Variants in LCA5 observed in about 807,000 individuals in gnomAD.
The protein encoded by LCA5 is lebercilin LCA5.
Under a neutral mutation model 53.0 loss-of-function variants are expected in LCA5, and 37 were observed. That is an observed-to-expected ratio of 0.70 (90% CI 0.54 to 0.92). LCA5 has a LOEUF of 0.92. Among genes scored for constraint, LCA5 ranks in the 40% least tolerant of loss-of-function variants. The probability of loss-of-function intolerance (pLI) is 0.00; values close to 1 mark genes in which losing one functional copy is unlikely to be tolerated. For missense variants in LCA5, 806 were observed against 790.5 expected (o/e 1.02, Z -0.23); for synonymous variants, 303 against 282.9 (o/e 1.07, Z -0.71).
chr6:79,524,563 A>T (rs1205849941), intron 1 of LCA5, among the ~76,000 whole-genome samples: 1 of 152,168 alleles, frequency 6.6e-6, no homozygotes, highest in Non-Finnish European at 1.5e-5. Context: ...CACATGTTAC[A>T]GTCACTCTTT....
chr6:79,505,214 T>C (rs13213491), intron 3 of LCA5, among the ~76,000 whole-genome samples: 15,216 of 152,230 alleles, frequency 0.1, 1,011 homozygotes, highest in Non-Finnish European at 0.15. Context: ...CTGCAAAGCT[T>C]ATTTTCTGAA....
intron 2 of LCA5, among the ~76,000 whole-genome samples, chr6:79,516,164 C>T (rs571022985): frequency 1.6e-3 from 243 of 151,420 alleles, no homozygotes; most frequent in African/African-American, 5.2e-3. Flanking sequence ...TATAAAATTA[C>T]ATATGTGGCT....
chr6:79,508,357 TCTGTCA>T (rs761693702), intron 3 of LCA5, among the ~76,000 whole-genome samples: 26 of 152,182 alleles, frequency 1.7e-4, no homozygotes, highest in Non-Finnish European at 2.9e-5. Context: ...TTCTGTGCAT[TCTGTCA>T]CTTCCATCAA....
intron 3 of LCA5, among the ~76,000 whole-genome samples, chr6:79,501,291 C>T (rs1770132015): frequency 6.6e-6 from 1 of 152,052 alleles, no homozygotes; most frequent in Non-Finnish European, 1.5e-5. Flanking sequence ...CTGTCAAGAA[C>T]ATATCCATCC....
intron 3 of LCA5, among the ~76,000 whole-genome samples, chr6:79,493,976 A>C (rs1052216599): frequency 2.0e-5 from 3 of 152,172 alleles, no homozygotes; most frequent in Non-Finnish European, 2.9e-5. Context: ...TTTGTAAATA[A>C]ATTCTTAAGG....
chr6:79,533,477 A>G (rs1767014249), intron 1 of LCA5, among the ~76,000 whole-genome samples: 1 of 152,084 alleles, frequency 6.6e-6, no homozygotes, highest in Admixed American at 6.6e-5. Flanking sequence ...CAATTCCTAA[A>G]GAACTGTTTA....
At chr6:79,512,835 CAATA>C (rs1401892249) in intron 3 of LCA5, among the ~76,000 whole-genome samples, 15 of 152,206 alleles carry the variant, frequency 9.9e-5, no homozygotes, top group Non-Finnish European at 2.1e-4. Flanking sequence ...AATTAATCTT[CAATA>C]AATAATGTGC....
At chr6:79,506,549 C>G (rs952548599) in intron 3 of LCA5, among the ~76,000 whole-genome samples, 9 of 152,102 alleles carry the variant, frequency 5.9e-5, no homozygotes, top group African/African-American at 1.9e-4. Flanking sequence ...TTTACTTTCA[C>G]CCCCTATTTG....
chr6:79,536,997 G>C (rs889666642), intron 1 of LCA5, 168 bp downstream of exon 1: 1 of 152,380 alleles, frequency 6.6e-6, no homozygotes, highest in East Asian at 1.9e-4. Context: ...TTCTCCTCGC[G>C]GTCCCTACAT....
At position 79,487,648 on chromosome 6, in the gene LCA5, G is replaced by A; in HGVS notation, c.1450C>T (p.Leu484=). 6.2e-7 allele frequency: 1 copy of A among 1,613,994 alleles called. No individual in the cohort carries two copies. Among genetic ancestry groups the A allele is most frequent in the Non-Finnish European group, 8.5e-7 (1 of 1,179,908 alleles). The change falls in exon 8 of 8, where the codon CTA becomes TTA. Residue 484 remains leucine (L), a synonymous_variant. Transcript: ENST00000369846. ...IDRELQDSRN[L]KYPVLPLLPD... Reference sequence around the variant, plus strand: ...AACAATGGCAAAACAGGGTATTTTAGATTTCGAGAATCTTGGAGTTCTCTG... The same window carrying A: ...AACAATGGCAAAACAGGGTATTTTAAATTTCGAGAATCTTGGAGTTCTCTG...
chr6:79,511,057 C>CAA (rs201506875), intron 3 of LCA5, among the ~76,000 whole-genome samples: 2 of 143,074 alleles, frequency 1.4e-5, no homozygotes, highest in African/African-American at 5.1e-5. Context: ...GAAAAAAATA[C>CAA]AAAAAAAAAA....
In LCA5 at chr6:79,518,714, G is replaced by A. The variant is rs768698579; in HGVS notation, c.181C>T (p.His61Tyr). Residue 61 changes from histidine to tyrosine, a missense_variant, in exon 2 of 8, where the codon CAT (histidine) becomes TAT (tyrosine). By Grantham distance (83) the His-to-Tyr change is moderately conservative. Coordinates refer to ENST00000369846, the MANE Select transcript of LCA5 (RefSeq NM_001122769.3). ...PKRQTSDGQV[H>Y]HQAPRKPSPK... Reference sequence around the variant, plus strand: ...TTTAAAGAATGCTTACCTTGGTGATGTACTTGGCCATCTGAAGTTTGTCTT... The same window carrying A: ...TTTAAAGAATGCTTACCTTGGTGATATACTTGGCCATCTGAAGTTTGTCTT... 7.4e-6 allele frequency: 12 copies of A among 1,614,046 alleles called. No homozygotes were observed. The highest frequency in any genetic ancestry group is 1.6e-4 in the Middle Eastern group (1 of 6,062).
At chr6:79,512,806 G>A (rs1766273125) in intron 3 of LCA5, among the ~76,000 whole-genome samples, 2 of 152,168 alleles carry the variant, frequency 1.3e-5, no homozygotes, top group African/African-American at 4.8e-5. Context: ...TGCATTCCAT[G>A]TCCAAAAAGA....
At chr6:79,528,019 G>A (rs1439681122) in intron 1 of LCA5, among the ~76,000 whole-genome samples, 1 of 152,098 alleles carries the variant, frequency 6.6e-6, no homozygotes, top group African/African-American at 2.4e-5. Flanking sequence ...GGGTCGAATG[G>A]GTCAAATTTT....
rs1417108232 is a variant in LCA5 at position 79,485,634 on chromosome 6, A to G, written c.*1370T>C. The G allele has an allele frequency of 6.6e-6, 1 of 152,198 alleles. No individual in the cohort carries two copies. Among genetic ancestry groups the G allele is most frequent in the Non-Finnish European group, 1.5e-5 (1 of 68,034 alleles). The allele number at this position is 152,198 out of a possible 1,614,324, so 9.4% of individuals were successfully genotyped here. ...ATGAAATTCAATAATATGCATTTAT[A>G]AGAACTCAGAATAACACAGTAACTC... On this transcript the variant is annotated 3_prime_UTR_variant, in exon 8 of 8. Transcript: ENST00000369846.
In LCA5 at chr6:79,513,379, T is replaced by G. The variant is rs1766306042; in HGVS notation, c.553A>C (p.Thr185Pro). Residue 185 changes from threonine to proline, a missense_variant, in exon 3 of 8, where the codon ACT becomes CCT. Thr to Pro is a conservative substitution (Grantham distance 38). Coordinates refer to ENST00000369846, the MANE Select transcript of LCA5 (RefSeq NM_001122769.3). ...LRKSQEKERA[T>P]EKRVKDTESE... ...TCTGTATCTTTTACCCTTTTCTCAG[T>G]TGCCCGTTCTTTCTCTTGAGATTTT... 1.9e-6 allele frequency: 3 copies of G among 1,613,902 alleles called. No homozygotes were observed. The highest frequency in any genetic ancestry group is 2.5e-6 in the Non-Finnish European group (3 of 1,179,934).
chr6:79,489,523 C>T (rs1341380116), intron 6 of LCA5, among the ~76,000 whole-genome samples: 2 of 152,066 alleles, frequency 1.3e-5, no homozygotes, highest in African/African-American at 4.8e-5. Context: ...TTGCTTTGTG[C>T]ATTTTCACCA....
Position 79,489,188 on chromosome 6 carries a change from T to A in LCA5, c.1127A>T (p.His376Leu), listed in dbSNP as rs1769765383. 1 of 1,612,316 alleles carries A rather than the reference T, an allele frequency of 6.2e-7. No individual in the cohort carries two copies. Among genetic ancestry groups the A allele is most frequent in the African/African-American group, 1.3e-5 (1 of 74,878 alleles). The change falls in exon 7 of 8, where the codon CAT becomes CTT. Residue 376 changes from histidine to leucine, a missense_variant. Physicochemically the swap from His to Leu is moderately conservative, Grantham distance 99 (BLOSUM62 -3). Coordinates refer to ENST00000369846, the MANE Select transcript of LCA5 (RefSeq NM_001122769.3). Reference protein sequence around the residue: ...LDLQSQKQDRHGEAGILNPIM... With the variant: ...LDLQSQKQDRLGEAGILNPIM... ...TGGGTTTAGAATCCCTGCTTCTCCATGCCTGTCTTGCTTTTGAGATTGCAA... is the reference window on the plus strand; with the variant it reads ...TGGGTTTAGAATCCCTGCTTCTCCAAGCCTGTCTTGCTTTTGAGATTGCAA...
chr6:79,499,004 A>G (rs143088117), intron 3 of LCA5, among the ~76,000 whole-genome samples: 2 of 152,282 alleles, frequency 1.3e-5, no homozygotes, highest in East Asian at 3.9e-4. Context: ...AGCAAAAGGA[A>G]TTTAGCAATG....
Sources: allele counts gnomAD v4.1 joint callset (sites outside exome capture counted in the v4.1 genomes callset), GRCh38; gene constraint gnomAD v4.1.1; transcripts MANE v1.5; gene names NCBI Gene and HGNC (gene_info 2026-07-23, HGNC 2026-07-21).